SH3RF2: variants seen among roughly 807,000 people sequenced by gnomAD.
SH3RF2 encodes the protein E3 ubiquitin-protein ligase SH3RF2.
A neutral mutation model predicts 59.0 loss-of-function variants in SH3RF2; 43 were observed. The ratio of observed to expected loss-of-function variants is 0.73; its 90% CI spans 0.57 to 0.94. SH3RF2 has a LOEUF of 0.94. Ranked by LOEUF, SH3RF2 falls within the 40% of genes least tolerant of loss-of-function variation. The pLI is 0.00. For missense variants in SH3RF2, 930 were observed against 940.1 expected, an observed-to-expected ratio of 0.99 and a Z score of 0.14; for synonymous variants, 391 against 391.5, an observed-to-expected ratio of 1.00 and a Z score of 0.01.
At chr5:146,069,766 G>A (rs1763190963) in intron 9 of SH3RF2, among the ~76,000 whole-genome samples, 1 of 151,964 alleles carries the variant, frequency 6.6e-6, no homozygotes, top group African/African-American at 2.4e-5. Flanking sequence ...TAGAGGTAGG[G>A]TTTTGCTATG....
chr5:146,037,884 A>G (rs1761995579), intron 5 of SH3RF2, among the ~76,000 whole-genome samples: 1 of 152,208 alleles, frequency 6.6e-6, no homozygotes, highest in East Asian at 1.9e-4. Context: ...AAGAAAGGAA[A>G]AGTATAGTTC....
At chr5:145,954,475 G>A (rs989168480) in intron 2 of SH3RF2, among the ~76,000 whole-genome samples, 3 of 152,152 alleles carry the variant, frequency 2.0e-5, no homozygotes, top group Non-Finnish European at 4.4e-5. Context: ...TGCATAGTTT[G>A]CAAATATTTT....
At chr5:146,054,722 G>T (rs1274421900) in intron 7 of SH3RF2, among the ~76,000 whole-genome samples, 1 of 152,176 alleles carries the variant, frequency 6.6e-6, no homozygotes, top group Non-Finnish European at 1.5e-5. Context: ...TACAATACTG[G>T]CTTGTTGTTA....
rs533801747 is a variant in SH3RF2, at chr5:145,985,182, G to T, written c.379-14876G>T. On this transcript the variant is annotated intron_variant, in intron 2 of 9. Coordinates refer to ENST00000359120, the MANE Select transcript of SH3RF2 (RefSeq NM_152550.4). The stretch of plus-strand genomic sequence containing the variant: ...AAAAAGAAAAAAGTCTTGGCTTCAG[G>T]GACAACTGAACTGAGAGGGAAGAAG... Among the ~76,000 whole-genome samples the T allele has an allele frequency of 3.3e-5, 5 of 152,236 alleles. No homozygotes were observed. In the South Asian group the frequency reaches 8.3e-4, roughly 25 times the overall value.
At chr5:146,071,091 A>C (rs969306456) in intron 9 of SH3RF2, among the ~76,000 whole-genome samples, 2 of 152,210 alleles carry the variant, frequency 1.3e-5, no homozygotes, top group African/African-American at 4.8e-5. Flanking sequence ...CTCCCTGACC[A>C]TCCAAGAGGA....
intron 4 of SH3RF2, among the ~76,000 whole-genome samples, chr5:146,012,114 C>T (rs1760928414): frequency 6.6e-6 from 1 of 152,098 alleles, no homozygotes; most frequent in Non-Finnish European, 1.5e-5. Flanking sequence ...TTATCAAAGG[C>T]CTTTTCTGCA....
chr5:146,008,324 A>G (rs765279010), intron 4 of SH3RF2, among the ~76,000 whole-genome samples: 112 of 152,206 alleles, frequency 7.4e-4, no homozygotes, highest in Admixed American at 1.5e-3. Context: ...TGTCAGTGTT[A>G]ATGTTAGAAA....
chr5:146,052,777 T>C (rs886161668), intron 7 of SH3RF2, among the ~76,000 whole-genome samples: 1 of 152,220 alleles, frequency 6.6e-6, no homozygotes, highest in African/African-American at 2.4e-5. Context: ...GGAAGTTTAC[T>C]TCTTCCCATG....
At chr5:145,978,725 G>A (rs889633003) in intron 2 of SH3RF2, among the ~76,000 whole-genome samples, 4 of 151,752 alleles carry the variant, frequency 2.6e-5, no homozygotes, top group African/African-American at 9.7e-5. Flanking sequence ...AAATTCATTA[G>A]TTGAATTCCA....
At chr5:146,032,959 C>T (rs910822858) in intron 5 of SH3RF2, among the ~76,000 whole-genome samples, 7 of 152,202 alleles carry the variant, frequency 4.6e-5, no homozygotes, top group Non-Finnish European at 1.0e-4. Flanking sequence ...AAAATATACA[C>T]ACGGACTTGT....
At chr5:145,939,510 G>A (rs755339419) in intron 2 of SH3RF2, among the ~76,000 whole-genome samples, 3 of 152,180 alleles carry the variant, frequency 2.0e-5, no homozygotes, top group Non-Finnish European at 2.9e-5. Context: ...TGGCGCATGT[G>A]TAAACATTCA....
At chr5:145,954,369 T>C (rs1266133406) in intron 2 of SH3RF2, among the ~76,000 whole-genome samples, 5 of 152,246 alleles carry the variant, frequency 3.3e-5, no homozygotes. Flanking sequence ...GAAAAGTGTC[T>C]GTTCATGTTC....
chr5:146,024,467 A>G (rs948799396), intron 5 of SH3RF2, among the ~76,000 whole-genome samples: 5 of 152,128 alleles, frequency 3.3e-5, no homozygotes, highest in African/African-American at 9.7e-5. Context: ...TCTAGATTCA[A>G]GTCCCGTATC....
chr5:146,057,741 ACCAGCCT>A (rs1339549204), intron 8 of SH3RF2, among the ~76,000 whole-genome samples: 1 of 152,084 alleles, frequency 6.6e-6, no homozygotes, highest in East Asian at 1.9e-4. Context: ...GGAGTTCAAG[ACCAGCCT>A]GGGCAATATA....
chr5:146,042,905 G>A lies in SH3RF2; in HGVS notation c.1060-4867G>A, dbSNP rs780085684. The A allele has an allele frequency of 4.6e-5, 7 of 152,230 alleles. No homozygotes were observed. The South Asian group carries it at 1.0e-3, about 23-fold the overall frequency. The allele number at this position is 152,230 out of a possible 1,614,324, so 9.4% of individuals were successfully genotyped here. A position where few individuals can be genotyped will look rare whatever the true frequency, so the allele number is the denominator to read the frequency against. On this transcript the variant is annotated intron_variant, in intron 5 of 9. Transcript: ENST00000359120. ...CTTACCCCGATCTGGCTCAGGACTC[G>A]GAACCCTGTGCCAGGGAGCATCAGT...
rs549027657 is a variant in SH3RF2, at chr5:146,007,786, A to G, written c.744+3633A>G. On this transcript the variant is annotated intron_variant, in intron 4 of 9. Coordinates refer to ENST00000359120, the MANE Select transcript of SH3RF2 (RefSeq NM_152550.4). ...GCTTCATTTGTTCTCCTAATTGCTC[A>G]GAGGGGAAAAAGATAATTAAGTGGT... is the stretch of plus-strand genomic sequence containing the variant. 9.8e-5 allele frequency among the ~76,000 whole-genome samples: 15 copies of G among 152,342 alleles called. 3 individuals carry two copies. Among genetic ancestry groups the G allele is most frequent in the African/African-American group, 3.6e-4 (15 of 41,568 alleles).
intron 2 of SH3RF2, among the ~76,000 whole-genome samples, chr5:145,978,457 C>T (rs562656084): frequency 5.8e-4 from 89 of 152,170 alleles, no homozygotes; most frequent in Non-Finnish European, 1.1e-3. Flanking sequence ...TCTTCATGCC[C>T]TCCTGCTTCG....
At chr5:146,003,924 A>G in intron 3 of SH3RF2, 134 bp from the exon 4 acceptor site, 2 of 570,638 alleles carry the variant, frequency 3.5e-6, no homozygotes, top group East Asian at 3.4e-5. Flanking sequence ...TAGCAAAAAG[A>G]CTTCCCAAAT....
At chr5:146,071,748 C>T (rs1337528015) in intron 9 of SH3RF2, among the ~76,000 whole-genome samples, 2 of 152,174 alleles carry the variant, frequency 1.3e-5, no homozygotes, top group African/African-American at 4.8e-5. Flanking sequence ...TGGCAAATAA[C>T]TAAAGAAACT....
Sources: gnomAD v4.1 joint callset for allele counts (sites outside exome capture counted in the v4.1 genomes callset) on GRCh38, gnomAD v4.1.1 for gene constraint, MANE v1.5 for transcripts, NCBI Gene and HGNC (gene_info 2026-07-23, HGNC 2026-07-21) for gene names.